The following RYK variants were observed in gnomAD, a reference collection of about 807,000 sequenced individuals.
RYK encodes the protein inactive tyrosine-protein kinase RYK.
In RYK, 21 loss-of-function variants were observed where a neutral mutation model predicts 70.2. The observed-to-expected ratio is 0.30, with a 90% CI of 0.21 to 0.43. The LOEUF (loss-of-function observed/expected upper bound fraction) is 0.43. Ranked by LOEUF, RYK falls within the 20% of genes least tolerant of loss-of-function variation. RYK has a pLI of 1.00. For missense variants in RYK, 604 were observed against 753.3 expected, an observed-to-expected ratio of 0.80 and a Z score of 2.32; for synonymous variants, 267 against 278.0, an observed-to-expected ratio of 0.96 and a Z score of 0.39.
chr3:134,227,697 T>C (rs952476000), intron 1 of RYK, among the ~76,000 whole-genome samples: 4 of 151,628 alleles, frequency 2.6e-5, no homozygotes. Context: ...TTAAGATGAG[T>C]CTTGCTCTGT....
chr3:134,223,823 G>C (rs1471856684), intron 1 of RYK, among the ~76,000 whole-genome samples: 1 of 152,142 alleles, frequency 6.6e-6, no homozygotes, highest in African/African-American at 2.4e-5. Flanking sequence ...CATTTACTGA[G>C]CCGGCACTAT....
intron 1 of RYK, among the ~76,000 whole-genome samples, chr3:134,248,479 C>T (rs2015527931): frequency 6.6e-6 from 1 of 152,124 alleles, no homozygotes; most frequent in Non-Finnish European, 1.5e-5. Flanking sequence ...TCATTTCATT[C>T]GATAAAACTT....
At chr3:134,244,825 T>G (rs2015412805) in intron 1 of RYK, among the ~76,000 whole-genome samples, 1 of 152,226 alleles carries the variant, frequency 6.6e-6, no homozygotes, top group South Asian at 2.1e-4. Context: ...AGGGATGGTA[T>G]TAGCAGGTAG....
intron 11 of RYK, 122 bp from the exon 12 acceptor site, chr3:134,176,161 T>A (rs999469660): frequency 1.5e-6 from 1 of 653,490 alleles, no homozygotes; most frequent in African/African-American, 1.8e-5. Context: ...ACACACAGAA[T>A]TTTTAAAAGC....
chr3:134,168,167 T>C (rs2012753898), intron 13 of RYK, among the ~76,000 whole-genome samples: 1 of 152,240 alleles, frequency 6.6e-6, no homozygotes. Context: ...TTTTACACTG[T>C]TGGTGGGACT....
At chr3:134,224,359 G>A (rs1367528713) in intron 1 of RYK, among the ~76,000 whole-genome samples, 1 of 152,128 alleles carries the variant, frequency 6.6e-6, no homozygotes, top group Non-Finnish European at 1.5e-5. Flanking sequence ...GGCAGCTTAT[G>A]TCATTATTTC....
intron 1 of RYK, among the ~76,000 whole-genome samples, chr3:134,246,442 T>C (rs1030469360): frequency 1.6e-5 from 2 of 126,604 alleles, no homozygotes; most frequent in African/African-American, 5.9e-5. Flanking sequence ...ACTAAGGTAA[T>C]ACAAGAAAGA....
intron 13 of RYK, among the ~76,000 whole-genome samples, chr3:134,164,588 G>A (rs1245043367): frequency 6.6e-6 from 1 of 152,218 alleles, no homozygotes; most frequent in Non-Finnish European, 1.5e-5. Context: ...TGTACCAACA[G>A]TTCATTCCTT....
At chr3:134,171,884 T>C (rs1246819747) in intron 13 of RYK, among the ~76,000 whole-genome samples, 1 of 151,900 alleles carries the variant, frequency 6.6e-6, no homozygotes, top group African/African-American at 2.4e-5. Flanking sequence ...AAGTAATACA[T>C]ATTTTGGGGG....
rs145835668 is a variant in RYK at position 134,195,866 on chromosome 3, A to G, written c.789-684T>C. Among the ~76,000 whole-genome samples the G allele has an allele frequency of 2.5e-4, 38 of 152,214 alleles. 2 individuals are homozygous for G. The highest frequency in any genetic ancestry group is 8.7e-4 in the African/African-American group (36 of 41,532). Reference sequence around the variant, plus strand: ...GAGGCTGATGCAGGAGAATCGCTTGAATCTGGGAGGTGGAGTTTGCAGTGA... The same window carrying G: ...GAGGCTGATGCAGGAGAATCGCTTGGATCTGGGAGGTGGAGTTTGCAGTGA... On this transcript the variant is annotated intron_variant, in intron 6 of 14. Coordinates refer to ENST00000623711, the MANE Select transcript of RYK (RefSeq NM_002958.4).
chr3:134,167,472 C>A (rs2012715038), intron 13 of RYK, among the ~76,000 whole-genome samples: 1 of 152,046 alleles, frequency 6.6e-6, no homozygotes, highest in Admixed American at 6.6e-5. Context: ...CTTTGACAAA[C>A]CTGACAAAAA....
rs1041525985 is a variant in RYK at position 134,234,186 on chromosome 3, C to T, written c.233-11647G>A. ...ATACAGCTGCGACAACTCATTAATA[C>T]AAAAATACAACCAACTACTGTCTAA... is the stretch of plus-strand genomic sequence containing the variant. On this transcript the variant is annotated intron_variant, in intron 1 of 14. Coordinates refer to ENST00000623711, the MANE Select transcript of RYK (RefSeq NM_002958.4). Among the ~76,000 whole-genome samples the T allele has an allele frequency of 4.0e-5, 6 of 151,852 alleles. No individual in the cohort carries two copies. In the South Asian group the frequency reaches 6.2e-4, roughly 16 times the overall value.
At chr3:134,200,930 A>C (rs2013993793) in intron 6 of RYK, among the ~76,000 whole-genome samples, 1 of 152,234 alleles carries the variant, frequency 6.6e-6, no homozygotes, top group Non-Finnish European at 1.5e-5. Context: ...GTAACTAATT[A>C]TTTCAGCAGG....
intron 13 of RYK, among the ~76,000 whole-genome samples, chr3:134,163,595 GT>G (rs79456622): frequency 0.091 from 13,880 of 152,210 alleles, 1,288 homozygotes; most frequent in South Asian, 0.32. Flanking sequence ...AAGTATGTAA[GT>G]AAAATTCCTT....
intron 2 of RYK, among the ~76,000 whole-genome samples, chr3:134,212,340 C>T (rs1576523541): frequency 6.6e-6 from 1 of 152,200 alleles, no homozygotes; most frequent in East Asian, 1.9e-4. Context: ...ATGAAAGAAG[C>T]AGCTCAAACT....
chr3:134,202,698 ATTT>A (rs567930088), intron 6 of RYK, 29 bp downstream of exon 6: 2 of 1,600,100 alleles, frequency 1.2e-6, no homozygotes, highest in Admixed American at 3.4e-5. Flanking sequence ...AACTGCTTTC[ATTT>A]TTTTTCTTTC....
chr3:134,187,721 C>CTTT (rs77809666), intron 9 of RYK, among the ~76,000 whole-genome samples: 1 of 136,924 alleles, frequency 7.3e-6, no homozygotes, highest in African/African-American at 2.7e-5. Context: ...CACCCAGCTA[C>CTTT]TTTTTTTTTT....
At chr3:134,187,076 G>C (rs981635069) in intron 9 of RYK, among the ~76,000 whole-genome samples, 1 of 152,154 alleles carries the variant, frequency 6.6e-6, no homozygotes, top group East Asian at 1.9e-4. Context: ...AAGTGTTTTT[G>C]GTGCTGGGAA....
chr3:134,187,115 T>C (rs2013490406), intron 9 of RYK, among the ~76,000 whole-genome samples: 2 of 152,186 alleles, frequency 1.3e-5, no homozygotes. Context: ...AAATATTGAA[T>C]GATATAGTAA....
Sources: allele counts gnomAD v4.1 joint callset (sites outside exome capture counted in the v4.1 genomes callset), GRCh38; gene constraint gnomAD v4.1.1; transcripts MANE v1.5; gene names NCBI Gene and HGNC (gene_info 2026-07-23, HGNC 2026-07-21).